The following SEMA3A variants were observed in gnomAD, a reference collection of about 807,000 sequenced individuals.
The protein encoded by SEMA3A is semaphorin 3A.
A neutral mutation model predicts 97.9 loss-of-function variants in SEMA3A; 29 were observed. The observed-to-expected ratio is 0.30, with a 90% CI of 0.22 to 0.40. The LOEUF is 0.40. Ranked by LOEUF, SEMA3A falls within the 10% of genes least tolerant of loss-of-function variation. The pLI is 1.00. For missense variants in SEMA3A, 763 were observed against 951.3 expected, an observed-to-expected ratio of 0.80 and a Z score of 2.60; for synonymous variants, 321 against 323.7, an observed-to-expected ratio of 0.99 and a Z score of 0.09.
At chr7:84,385,064 AACACACACACACACAC>A (rs58600722) in intron 1 of SEMA3A, among the ~76,000 whole-genome samples, 3 of 147,326 alleles carry the variant, frequency 2.0e-5, no homozygotes, top group African/African-American at 5.0e-5. Flanking sequence ...ACATCCACAA[AACACACACACACACAC>A]ACACACACAC....
At chr7:84,471,520 A>C (rs1322764642) in intron 1 of SEMA3A, among the ~76,000 whole-genome samples, 1 of 152,090 alleles carries the variant, frequency 6.6e-6, no homozygotes, top group Non-Finnish European at 1.5e-5. Context: ...CTATGCGGGA[A>C]GAATCAAAAG....
At chr7:84,090,022 T>C (rs1029687265) in intron 4 of SEMA3A, among the ~76,000 whole-genome samples, 1 of 152,082 alleles carries the variant, frequency 6.6e-6, no homozygotes, top group Non-Finnish European at 1.5e-5. Flanking sequence ...TATTTTGTTA[T>C]AGAAAATAAA....
rs544763511 is a variant in SEMA3A, at chr7:84,432,043, T to G, written c.-245-60143A>C. On this transcript the variant is annotated intron_variant, in intron 1 of 3. Coordinates refer to the SEMA3A transcript ENST00000424555. The stretch of plus-strand genomic sequence containing the variant: ...GCAAAGAAGGGAGACTGTGGATTAT[T>G]GACCCCCAAAATACCATCAGAAGTA... 2.0e-5 allele frequency among the ~76,000 whole-genome samples: 3 copies of G among 152,204 alleles called. No individual in the cohort carries two copies. In the East Asian group the frequency reaches 5.8e-4, roughly 29 times the overall value.
intron 15 of SEMA3A, among the ~76,000 whole-genome samples, chr7:83,974,776 T>A (rs528771093): frequency 6.6e-6 from 1 of 152,028 alleles, no homozygotes; most frequent in African/African-American, 2.4e-5. Flanking sequence ...GTAGTCATTA[T>A]CAAAACAAGC....
At chr7:84,132,922 G>A (rs965647018) in intron 2 of SEMA3A, among the ~76,000 whole-genome samples, 11 of 151,866 alleles carry the variant, frequency 7.2e-5, no homozygotes, top group Admixed American at 5.9e-4. Context: ...TGATCCACCC[G>A]CCTTGGCCTC....
intron 15 of SEMA3A, among the ~76,000 whole-genome samples, chr7:83,964,978 G>A (rs1788613602): frequency 6.6e-6 from 1 of 152,110 alleles, no homozygotes; most frequent in South Asian, 2.1e-4. Context: ...TGGCCAACAG[G>A]GGCTGGAAAA....
intron 1 of SEMA3A, among the ~76,000 whole-genome samples, chr7:84,418,411 T>C (rs1015448956): frequency 6.6e-6 from 1 of 152,080 alleles, no homozygotes; most frequent in African/African-American, 2.4e-5. Context: ...CCCACTCCCA[T>C]GATTCCATTA....
At chr7:84,203,522 A>ATT (rs1266870104) in intron 3 of SEMA3A, among the ~76,000 whole-genome samples, 206 of 43,580 alleles carry the variant, frequency 4.7e-3, no homozygotes, top group Non-Finnish European at 6.2e-3. Context: ...ATATATATAT[A>ATT]TATATTTTTT....
At chr7:84,096,634 G>A (rs538369149) in intron 4 of SEMA3A, among the ~76,000 whole-genome samples, 21 of 152,142 alleles carry the variant, frequency 1.4e-4, no homozygotes, top group African/African-American at 4.8e-4. Flanking sequence ...AGGTGGAAAA[G>A]TGAATAGGAT....
At chr7:84,175,477 G>T (rs1032910206) in intron 1 of SEMA3A, among the ~76,000 whole-genome samples, 5 of 152,180 alleles carry the variant, frequency 3.3e-5, no homozygotes, top group Non-Finnish European at 5.9e-5. Context: ...GTGTTACGTA[G>T]TCCCATGGGG....
chr7:84,204,714 C>T (rs139141543), intron 3 of SEMA3A, among the ~76,000 whole-genome samples: 140 of 152,180 alleles, frequency 9.2e-4, no homozygotes, highest in East Asian at 3.9e-4. Flanking sequence ...ATATATCAAA[C>T]GCAGTAGGTT....
intron 1 of SEMA3A, among the ~76,000 whole-genome samples, chr7:84,427,247 A>G (rs373241670): frequency 1.3e-5 from 2 of 152,100 alleles, no homozygotes; most frequent in Admixed American, 6.6e-5. Context: ...ATATCTATGA[A>G]TTATTTTTTG....
chr7:84,398,370 ACGTGACAT>A (rs1803796498), intron 1 of SEMA3A, among the ~76,000 whole-genome samples: 1 of 152,176 alleles, frequency 6.6e-6, no homozygotes, highest in Non-Finnish European at 1.5e-5. Context: ...TTATTGTAGC[ACGTGACAT>A]TCATGACAAT....
intron 6 of SEMA3A, among the ~76,000 whole-genome samples, chr7:84,029,897 A>C (rs1384050138): frequency 6.6e-6 from 1 of 152,080 alleles, no homozygotes; most frequent in Non-Finnish European, 1.5e-5. Flanking sequence ...CACGAAGACA[A>C]AACAGATGTT....
At chr7:84,365,939 C>T (rs1802837707) in intron 2 of SEMA3A, among the ~76,000 whole-genome samples, 1 of 151,058 alleles carries the variant, frequency 6.6e-6, no homozygotes, top group African/African-American at 2.4e-5. Context: ...TCATAATTTA[C>T]ATTTGAGTAA....
At chr7:84,061,617 T>C (rs760182457) in intron 4 of SEMA3A, among the ~76,000 whole-genome samples, 9 of 152,240 alleles carry the variant, frequency 5.9e-5, no homozygotes, top group Non-Finnish European at 1.0e-4. Flanking sequence ...ACCATCTTGG[T>C]ATATTAAATG....
chr7:84,088,323 G>A (rs971529332), intron 4 of SEMA3A, among the ~76,000 whole-genome samples: 7 of 151,874 alleles, frequency 4.6e-5, no homozygotes, highest in African/African-American at 1.5e-4. Flanking sequence ...GCATGGTGGC[G>A]GGTGCCTGTA....
intron 1 of SEMA3A, among the ~76,000 whole-genome samples, chr7:84,155,491 T>A (rs1042192757): frequency 3.9e-5 from 6 of 152,130 alleles, no homozygotes; most frequent in African/African-American, 1.4e-4. Flanking sequence ...AGATAGGCCA[T>A]CTTTTCCACT....
chr7:84,340,994 A>C (rs1802154554), intron 2 of SEMA3A, among the ~76,000 whole-genome samples: 1 of 152,164 alleles, frequency 6.6e-6, no homozygotes, highest in African/African-American at 2.4e-5. Context: ...AATATTTGGT[A>C]TGTGAAAGGG....
Sources: gnomAD v4.1 joint callset for allele counts (sites outside exome capture counted in the v4.1 genomes callset) on GRCh38, gnomAD v4.1.1 for gene constraint, MANE v1.5 for transcripts, NCBI Gene and HGNC (gene_info 2026-07-23, HGNC 2026-07-21) for gene names.